COPA: variants seen among roughly 807,000 people sequenced by gnomAD.
The protein encoded by COPA is coatomer subunit alpha.
In COPA, 10 loss-of-function variants were observed where a neutral mutation model predicts 158.7. The observed-to-expected ratio is 0.06, with a 90% CI of 0.04 to 0.11. The LOEUF (loss-of-function observed/expected upper bound fraction) is 0.11, where lower values mean the gene tolerates loss of function less well. Among genes scored for constraint, COPA ranks in the 10% least tolerant of loss-of-function variants. The probability of loss-of-function intolerance (pLI) is 1.00; values close to 1 mark genes in which losing one functional copy is unlikely to be tolerated. For synonymous variants in COPA, 462 were observed against 542.8 expected (o/e 0.85, Z 2.07); for missense variants, 1,065 against 1,536.7 (o/e 0.69, Z 5.13).
chr1:160,335,324 T>G lies in COPA; in HGVS notation c.229-2A>C. The G allele has an allele frequency of 6.2e-7, 1 of 1,607,044 alleles. No homozygotes were observed. Among genetic ancestry groups the G allele is most frequent in the Non-Finnish European group, 8.5e-7 (1 of 1,176,974 alleles). ...GCGCCGAAGCTTGTAATTCCAAACC[T>G]GCAAAGACAAATCAAACTAAGAAAC... On this transcript the variant is annotated splice_acceptor_variant, in intron 3 of 32. Coordinates refer to ENST00000241704, the MANE Select transcript of COPA (RefSeq NM_004371.4). LOFTEE classifies it high-confidence loss of function.
chr1:160,307,303 A>T, intron 13 of COPA, 58 bp from the exon 14 acceptor site: 3 of 1,525,612 alleles, frequency 2.0e-6, no homozygotes, highest in Non-Finnish European at 2.7e-6. Context: ...CAGGTGACAT[A>T]GTCGGGTGCC....
At chr1:160,329,699 C>T (rs756073676) in intron 6 of COPA, among the ~76,000 whole-genome samples, 2 of 152,210 alleles carry the variant, frequency 1.3e-5, no homozygotes, top group South Asian at 2.1e-4. Context: ...AACAAATTCT[C>T]TATGAACTAG....
intron 8 of COPA, among the ~76,000 whole-genome samples, chr1:160,318,468 TAAAAAAAAAA>T (rs71090307): frequency 1.8e-3 from 28 of 15,668 alleles, no homozygotes; most frequent in African/African-American, 5.2e-3. Context: ...ACAATATTTG[TAAAAAAAAAA>T]AAAAAAAAAA....
At chr1:160,306,003 T>C in intron 15 of COPA, 2 of 591,512 alleles carry the variant, frequency 3.4e-6, no homozygotes, top group Non-Finnish European at 6.0e-6. Flanking sequence ...TTTCCTTGTA[T>C]TATTAGGGAA....
intron 3 of COPA, among the ~76,000 whole-genome samples, chr1:160,337,721 AAAAC>A (rs147699729): frequency 0.43 from 63,491 of 147,368 alleles, 13,558 homozygotes; most frequent in South Asian, 0.58. Context: ...TCCATCGCAA[AAAAC>A]AAACAAACAA....
In COPA at chr1:160,333,816, C is replaced by T. The variant is rs778923046; in HGVS notation, c.310-137G>A. 98 of 594,330 alleles carry T rather than the reference C, an allele frequency of 1.6e-4. 1 individual carries two copies. The highest frequency in any genetic ancestry group is 2.5e-4 in the Non-Finnish European group (87 of 349,360). The allele number at this position is 594,330 out of a possible 1,614,324, so 36.8% of individuals were successfully genotyped here. Reference sequence around the variant, plus strand: ...GCAAAGGGGCTGCTGCTTTTGCTATCAGGTTAGCTGTCTCCTTTTCTCTAC... The same window carrying T: ...GCAAAGGGGCTGCTGCTTTTGCTATTAGGTTAGCTGTCTCCTTTTCTCTAC... On this transcript the variant is annotated intron_variant, in intron 4 of 32. Transcript: ENST00000241704.
intron 9 of COPA, 90 bp from the exon 10 acceptor site, chr1:160,313,257 C>A (rs1434434351): frequency 8.5e-7 from 1 of 1,174,224 alleles, no homozygotes; most frequent in East Asian, 2.5e-5. Flanking sequence ...AGCCAGCAAG[C>A]TGATTAAAAT....
At chr1:160,311,154 G>A (rs560615136) in intron 11 of COPA, among the ~76,000 whole-genome samples, 2 of 152,136 alleles carry the variant, frequency 1.3e-5, no homozygotes, top group South Asian at 4.2e-4. Context: ...TAAAAGAAGA[G>A]TCTTGGTTGG....
At chr1:160,302,789 C>T (rs1022447618) in intron 17 of COPA, among the ~76,000 whole-genome samples, 6 of 151,684 alleles carry the variant, frequency 4.0e-5, no homozygotes, top group South Asian at 2.1e-4. Context: ...CTCCTGACCT[C>T]GTGATCCACC....
intron 3 of COPA, among the ~76,000 whole-genome samples, chr1:160,339,146 G>A (rs1647919654): frequency 7.0e-6 from 1 of 143,684 alleles, no homozygotes; most frequent in African/African-American, 3.0e-5. Flanking sequence ...TCTCCTTATT[G>A]GCCATCTCAT....
intron 8 of COPA, among the ~76,000 whole-genome samples, chr1:160,315,035 T>C (rs1659088633): frequency 6.6e-6 from 1 of 152,072 alleles, no homozygotes; most frequent in South Asian, 2.1e-4. Context: ...AAAACAAATA[T>C]ACAGTGCTGA....
At chr1:160,295,563 G>A (rs1458122048) in intron 23 of COPA, among the ~76,000 whole-genome samples, 173 bp downstream of exon 23, 1 of 152,046 alleles carries the variant, frequency 6.6e-6, no homozygotes, top group Non-Finnish European at 1.5e-5. Flanking sequence ...TTAATGACCT[G>A]AAAATGCTAT....
At chr1:160,313,443 C>A (rs903192433) in intron 9 of COPA, among the ~76,000 whole-genome samples, 5 of 149,914 alleles carry the variant, frequency 3.3e-5, no homozygotes, top group Non-Finnish European at 7.4e-5. Context: ...GAGACGGAGT[C>A]TCGCTCTGTT....
chr1:160,299,705 A>G (rs1658537340), intron 17 of COPA, among the ~76,000 whole-genome samples: 1 of 152,260 alleles, frequency 6.6e-6, no homozygotes, highest in South Asian at 2.1e-4. Context: ...CAATATAGCT[A>G]ATGCAACATT....
intron 7 of COPA, 84 bp from the exon 8 acceptor site, chr1:160,323,614 AAT>A (rs1659401581): frequency 9.5e-7 from 1 of 1,050,410 alleles, no homozygotes; most frequent in African/African-American, 1.6e-5. Flanking sequence ...CGTTGTAAAA[AAT>A]GTCTCTGATT....
chr1:160,321,644 C>T (rs1659332738), intron 8 of COPA, among the ~76,000 whole-genome samples: 2 of 151,980 alleles, frequency 1.3e-5, no homozygotes, highest in African/African-American at 4.8e-5. Flanking sequence ...AAAAATTAGC[C>T]AGGTGTGGTG....
At chr1:160,303,798 C>T (rs1047594273) in intron 17 of COPA, among the ~76,000 whole-genome samples, 1 of 151,800 alleles carries the variant, frequency 6.6e-6, no homozygotes, top group Non-Finnish European at 1.5e-5. Flanking sequence ...TGACAAAGGA[C>T]TGACATGCAA....
At chr1:160,311,067 C>CT (rs368706578) in intron 11 of COPA, among the ~76,000 whole-genome samples, 156 of 152,260 alleles carry the variant, frequency 1.0e-3, no homozygotes, top group African/African-American at 3.6e-3. Context: ...GCCTCCCTCA[C>CT]TCATTGGGTT....
Position 160,305,709 on chromosome 1 carries a change from C to T in COPA, c.1507G>A (p.Val503Ile), listed in dbSNP as rs915941420. The change falls in exon 16 of 33, where the codon GTA (valine) becomes ATA (isoleucine). Residue 503 changes from valine (V) to isoleucine (I), a missense_variant. Val to Ile is a conservative substitution (Grantham distance 29, BLOSUM62 3). Around this residue, in one of 2 missense-constraint regions of COPA, gnomAD observed 980 missense variants for 1,357.8 expected, o/e 0.72. Coordinates refer to ENST00000241704, the MANE Select transcript of COPA (RefSeq NM_004371.4). Reference protein sequence around the residue: ...YVIWSADMSHVALLAKHAIVI... With the variant: ...YVIWSADMSHIALLAKHAIVI... ...TCACCGTGTTTGGCTAGTAGTGCTA[C>T]ATGTGACATGTCTGCTGACCAGATA... 6 of 1,614,032 alleles carry T rather than the reference C, an allele frequency of 3.7e-6. No individual in the cohort carries two copies. The South Asian group carries it at 6.6e-5, about 18-fold the overall frequency.
Sources: allele counts gnomAD v4.1 joint callset (sites outside exome capture counted in the v4.1 genomes callset), GRCh38; gene constraint gnomAD v4.1.1; regional missense constraint gnomAD v4.1.1; transcripts MANE v1.5; gene names NCBI Gene and HGNC (gene_info 2026-07-23, HGNC 2026-07-21).